EYS: variants seen among roughly 807,000 people sequenced by gnomAD.
EYS encodes the protein EGF-like photoreceptor maintenance factor, also known as protein eyes shut homolog.
A neutral mutation model predicts 282.1 loss-of-function variants in EYS; 250 were observed. That is an observed-to-expected ratio of 0.89 (90% CI 0.80 to 0.98). EYS has a LOEUF of 0.98. EYS is among the 50% of genes least tolerant of loss of function. EYS has a pLI of 0.00. For synonymous variants in EYS, 1,355 were observed against 1,282.9 expected (o/e 1.06, Z -1.20); for missense variants, 4,016 against 3,709.0 (o/e 1.08, Z -2.15).
chr6:63,955,087 C>T (rs1765758860), intron 35 of EYS, among the ~76,000 whole-genome samples: 1 of 152,158 alleles, frequency 6.6e-6, no homozygotes, highest in Non-Finnish European at 1.5e-5. Context: ...TCTGGGTAGA[C>T]ACTTTCACTG....
At chr6:63,786,841 T>A in intron 39 of EYS, among the ~76,000 whole-genome samples, 1 of 152,168 alleles carries the variant, frequency 6.6e-6, no homozygotes, top group East Asian at 1.9e-4. Context: ...TTTTAAGAAG[T>A]TATCCTATAT....
At chr6:65,070,727 A>G (rs1773879978) in intron 12 of EYS, among the ~76,000 whole-genome samples, 1 of 151,742 alleles carries the variant, frequency 6.6e-6, no homozygotes, top group Admixed American at 6.6e-5. Flanking sequence ...TGTGTCTTCA[A>G]TACTTCCTGT....
rs143722915 is a variant in EYS, at chr6:64,174,469, C to T, written c.6424+56123G>A. On this transcript the variant is annotated intron_variant, in intron 31 of 42. Transcript: ENST00000503581. Reference sequence around the variant, plus strand: ...TAATGTTATAATCTTTTTATCATCACCAAAGATCTTTATTAACATTTTAAA... The same window carrying T: ...TAATGTTATAATCTTTTTATCATCATCAAAGATCTTTATTAACATTTTAAA... Among the ~76,000 whole-genome samples the T allele has an allele frequency of 2.6e-3, 398 of 151,684 alleles. 2 individuals carry two copies. The highest frequency in any genetic ancestry group is 9.1e-3 in the African/African-American group (379 of 41,476).
chr6:65,263,665 C>T (rs1767675667), intron 12 of EYS, among the ~76,000 whole-genome samples: 1 of 150,370 alleles, frequency 6.7e-6, no homozygotes, highest in Non-Finnish European at 1.5e-5. Context: ...ACAAATAAGG[C>T]ATAGAACTTC....
rs1340821801 is a variant in EYS at position 64,020,508 on chromosome 6, AT to A, written c.6726-21326del. On this transcript the variant is annotated intron_variant, in intron 33 of 42. Transcript: ENST00000503581. ...TATAAGGTAGATTATGTTCACTATT[AT>A]TCCTGATACCAAGGGCTTCATGGGG... Among the ~76,000 whole-genome samples the A allele has an allele frequency of 2.0e-5, 3 of 152,328 alleles. No homozygotes were observed. The East Asian group carries it at 5.8e-4, about 29-fold the overall frequency.
intron 30 of EYS, among the ~76,000 whole-genome samples, chr6:64,248,335 T>G (rs566378197): frequency 1.3e-5 from 2 of 152,236 alleles, no homozygotes; most frequent in East Asian, 3.9e-4. Context: ...TCATGTTTAT[T>G]TTCGAAACTA....
At chr6:63,964,464 A>G (rs1208433656) in intron 35 of EYS, among the ~76,000 whole-genome samples, 1 of 152,224 alleles carries the variant, frequency 6.6e-6, no homozygotes, top group Non-Finnish European at 1.5e-5. Context: ...GAAACAAAAA[A>G]CAACCACAAA....
At chr6:64,363,794 A>T (rs1452005116) in intron 29 of EYS, among the ~76,000 whole-genome samples, 1 of 151,936 alleles carries the variant, frequency 6.6e-6, no homozygotes, top group Non-Finnish European at 1.5e-5. Flanking sequence ...ATTTAACTTT[A>T]TCACAGCAAA....
At position 65,033,178 on chromosome 6, in the gene EYS, G is replaced by A. The variant is rs564385381; in HGVS notation, c.2137+24436C>T. 1.3e-4 allele frequency among the ~76,000 whole-genome samples: 20 copies of A among 152,244 alleles called. No individual in the cohort carries two copies. In the South Asian group the frequency reaches 4.1e-3, roughly 32 times the overall value. On this transcript the variant is annotated intron_variant, in intron 13 of 42. Transcript: ENST00000503581. ...CTAACAACCTAGCTCAGATGTGGGAGAAAGAAATGACCCAAAGTTGGAAGT... is the reference window on the plus strand; with the variant it reads ...CTAACAACCTAGCTCAGATGTGGGAAAAAGAAATGACCCAAAGTTGGAAGT...
chr6:64,453,075 C>G (rs1775419622), intron 26 of EYS, among the ~76,000 whole-genome samples: 1 of 152,122 alleles, frequency 6.6e-6, no homozygotes, highest in Non-Finnish European at 1.5e-5. Flanking sequence ...AACAGGCAAC[C>G]TACAGAATGG....
chr6:64,116,536 A>G (rs1020446137), intron 31 of EYS, among the ~76,000 whole-genome samples: 4 of 152,210 alleles, frequency 2.6e-5, no homozygotes, highest in Non-Finnish European at 5.9e-5. Context: ...TTACCAATCA[A>G]TAATTACCTT....
chr6:64,572,506 G>T (rs1765758332), intron 26 of EYS, among the ~76,000 whole-genome samples: 1 of 152,188 alleles, frequency 6.6e-6, no homozygotes, highest in Non-Finnish European at 1.5e-5. Context: ...CAGATGACAT[G>T]ATTGTATATT....
intron 31 of EYS, among the ~76,000 whole-genome samples, chr6:64,151,721 A>G (rs1774746967): frequency 6.6e-6 from 1 of 152,168 alleles, no homozygotes; most frequent in Non-Finnish European, 1.5e-5. Flanking sequence ...ATGACTATAT[A>G]CTTGTATTTC....
intron 2 of EYS, among the ~76,000 whole-genome samples, chr6:65,605,032 C>A (rs1182832391): frequency 7.2e-6 from 1 of 138,508 alleles, no homozygotes; most frequent in East Asian, 2.1e-4. Context: ...TTTGTAGAGA[C>A]GGGGGTCTCA....
At chr6:64,363,342 T>G (rs988192251) in intron 29 of EYS, among the ~76,000 whole-genome samples, 14 of 151,880 alleles carry the variant, frequency 9.2e-5, no homozygotes, top group Non-Finnish European at 1.8e-4. Flanking sequence ...GGACTTAGAC[T>G]TTGGCATTGA....
chr6:65,139,047 C>T (rs893090997), intron 12 of EYS, among the ~76,000 whole-genome samples: 2 of 152,018 alleles, frequency 1.3e-5, no homozygotes, highest in Non-Finnish European at 2.9e-5. Flanking sequence ...GAACTTAAAA[C>T]AGAATTACCA....
chr6:65,500,055 G>T (rs1766393192), intron 2 of EYS, among the ~76,000 whole-genome samples: 1 of 151,924 alleles, frequency 6.6e-6, no homozygotes, highest in South Asian at 2.1e-4. Flanking sequence ...AGCACAGAAA[G>T]ATTAAGGACT....
At chr6:65,365,997 C>T (rs944909729) in intron 8 of EYS, among the ~76,000 whole-genome samples, 1 of 151,710 alleles carries the variant, frequency 6.6e-6, no homozygotes, top group African/African-American at 2.4e-5. Flanking sequence ...AATTTCTAAA[C>T]ATTAGATGTT....
chr6:64,742,105 G>C (rs1165516214), intron 22 of EYS, among the ~76,000 whole-genome samples: 4 of 152,122 alleles, frequency 2.6e-5, no homozygotes, highest in Non-Finnish European at 2.9e-5. Context: ...GTTAAAGTGA[G>C]ACACATGTAA....
Sources: allele counts gnomAD v4.1 joint callset (sites outside exome capture counted in the v4.1 genomes callset), GRCh38; gene constraint gnomAD v4.1.1; transcripts MANE v1.5; gene names NCBI Gene and HGNC (gene_info 2026-07-23, HGNC 2026-07-21).